Variants in CSMD3 observed in about 807,000 individuals in gnomAD.
The protein encoded by CSMD3 is CUB and sushi domain-containing protein 3.
In CSMD3, 177 loss-of-function variants were observed where a neutral mutation model predicts 435.2. The observed-to-expected ratio is 0.41, with a 90% CI of 0.36 to 0.46. The LOEUF is 0.46. Ranked by LOEUF, CSMD3 falls within the 20% of genes least tolerant of loss-of-function variation. The pLI, the probability that CSMD3 is intolerant of heterozygous loss-of-function variation, is 0.34. For synonymous variants in CSMD3, 1,656 were observed against 1,520.5 expected (o/e 1.09, Z -2.07); for missense variants, 4,265 against 4,504.6 (o/e 0.95, Z 1.52).
At position 112,306,043 on chromosome 8, in the gene CSMD3, T is replaced by C. The variant is rs1821389809; in HGVS notation, c.8035A>G (p.Thr2679Ala). 2 of 1,613,914 alleles carry C rather than the reference T, an allele frequency of 1.2e-6. No homozygotes were observed. The highest frequency in any genetic ancestry group is 1.7e-6 in the Non-Finnish European group (2 of 1,179,856). The part of the protein sequence containing the change: ...LTTAVCQSDG[T>A]WSNHNKTPRC... ...GGGGTCTTGTTATGATTGCTCCATG[T>C]TCCATCTGATTGGCATACAGCTGTA... Residue 2679 changes from threonine (T) to alanine (A), a missense_variant, in exon 51 of 71, where the codon ACA becomes GCA. Around this residue, in one of 3 missense-constraint regions of CSMD3, gnomAD observed 3,255 missense variants for 3,380.2 expected, o/e 0.96. Coordinates refer to ENST00000297405, the MANE Select transcript of CSMD3 (RefSeq NM_198123.2).
chr8:112,283,973 C>T (rs1360160861), intron 58 of CSMD3, among the ~76,000 whole-genome samples: 1 of 151,770 alleles, frequency 6.6e-6, no homozygotes, highest in African/African-American at 2.4e-5. Flanking sequence ...GATCATTACA[C>T]ATTTATGCAT....
At chr8:113,246,330 A>C (rs2093275850) in intron 3 of CSMD3, among the ~76,000 whole-genome samples, 1 of 151,924 alleles carries the variant, frequency 6.6e-6, no homozygotes, top group East Asian at 1.9e-4. Context: ...GATACTTTTT[A>C]CTGCCAACTC....
chr8:112,442,004 C>T (rs1379242441), intron 32 of CSMD3, among the ~76,000 whole-genome samples: 1 of 152,072 alleles, frequency 6.6e-6, no homozygotes, highest in Non-Finnish European at 1.5e-5. Flanking sequence ...TAAAGGAATA[C>T]CTGAGACTGG....
At position 113,072,069 on chromosome 8, in the gene CSMD3, G is replaced by T. The variant is rs533446883; in HGVS notation, c.917+26687C>A. 3.3e-5 allele frequency among the ~76,000 whole-genome samples: 5 copies of T among 151,620 alleles called. No individual in the cohort carries two copies. The South Asian group carries it at 1.0e-3, about 31-fold the overall frequency. Reference sequence around the variant, plus strand: ...AATATTTTATTATTTTATTGCTATTGTAAAGGAGATTTTTAAAAATTTCCT... The same window carrying T: ...AATATTTTATTATTTTATTGCTATTTTAAAGGAGATTTTTAAAAATTTCCT... On this transcript the variant is annotated intron_variant, in intron 5 of 70. Transcript: ENST00000297405.
In CSMD3 at chr8:112,223,912, CT is replaced by C. The variant is rs2129742274; in HGVS notation, c.*858del. ...AGATAACTGCAAAATAATAATTTTT[CT>C]AGATAATTTCTGCCAGCCAAATGGT... On this transcript the variant is annotated 3_prime_UTR_variant, in exon 71 of 71. Coordinates refer to ENST00000297405, the MANE Select transcript of CSMD3 (RefSeq NM_198123.2). The C allele has an allele frequency of 6.6e-6, 1 of 152,118 alleles. No homozygotes were observed. Among genetic ancestry groups the C allele is most frequent in the Non-Finnish European group, 1.5e-5 (1 of 67,968 alleles). 9.4% of individuals were successfully genotyped at this position (152,118 alleles called of 1,614,324 possible). A position where few individuals can be genotyped will look rare whatever the true frequency, so the allele number is the denominator to read the frequency against.
intron 13 of CSMD3, among the ~76,000 whole-genome samples, chr8:112,792,433 G>T (rs769541980): frequency 6.6e-6 from 1 of 151,990 alleles, no homozygotes; most frequent in African/African-American, 2.4e-5. Context: ...TCATATAAGG[G>T]CACTAATCTC....
chr8:112,867,444 T>G (rs759395996), intron 10 of CSMD3, among the ~76,000 whole-genome samples: 3 of 152,128 alleles, frequency 2.0e-5, no homozygotes, highest in Admixed American at 2.0e-4. Context: ...AGGTACATTC[T>G]GAGAAACGTG....
intron 4 of CSMD3, among the ~76,000 whole-genome samples, chr8:113,113,827 G>T (rs180735743): frequency 1.5e-4 from 23 of 152,220 alleles, no homozygotes; most frequent in African/African-American, 5.3e-4. Flanking sequence ...TCTTTGAAAT[G>T]AACACAATTT....
chr8:113,075,654 A>C (rs569183961), intron 5 of CSMD3, among the ~76,000 whole-genome samples: 1 of 151,950 alleles, frequency 6.6e-6, no homozygotes, highest in South Asian at 2.1e-4. Flanking sequence ...AGTCTTATTG[A>C]AGATTAAGGG....
chr8:112,592,500 T>C (rs1430642409), intron 22 of CSMD3, among the ~76,000 whole-genome samples: 2 of 152,072 alleles, frequency 1.3e-5, no homozygotes, highest in Non-Finnish European at 2.9e-5. Context: ...TTTTTCCCCT[T>C]AAACATTTGT....
In CSMD3 at chr8:112,587,061, C is replaced by T. The variant is rs1830790878; in HGVS notation, c.3885+5G>A. 6.2e-7 allele frequency: 1 copy of T among 1,606,356 alleles called. No homozygotes were observed. The highest frequency in any genetic ancestry group is 1.3e-5 in the African/African-American group (1 of 74,592). The stretch of plus-strand genomic sequence containing the variant: ...CAATATACAAGTATGTCTGAGTTCA[C>T]CTACCTTAAGAACATCTCCTTGTGC... On this transcript the variant is annotated splice_donor_5th_base_variant and intron_variant, in intron 23 of 70. Transcript: ENST00000297405.
At chr8:112,516,887 T>G (rs1360119092) in intron 28 of CSMD3, 147 bp downstream of exon 28, 6 of 640,962 alleles carry the variant, frequency 9.4e-6, no homozygotes, top group African/African-American at 9.2e-5. Flanking sequence ...ATTTTACAAT[T>G]TTGTACATTC....
At chr8:112,285,013 AT>A (rs1214615003) in intron 58 of CSMD3, among the ~76,000 whole-genome samples, 3 of 151,374 alleles carry the variant, frequency 2.0e-5, no homozygotes, top group Non-Finnish European at 3.0e-5. Flanking sequence ...GTTTTTTTTT[AT>A]TTCTGCTTTC....
chr8:112,495,668 A>C (rs1821262787), intron 30 of CSMD3, among the ~76,000 whole-genome samples: 1 of 152,178 alleles, frequency 6.6e-6, no homozygotes, highest in South Asian at 2.1e-4. Flanking sequence ...ATGTCTAGGC[A>C]GTAGCTGGAA....
intron 1 of CSMD3, among the ~76,000 whole-genome samples, chr8:113,337,611 A>C (rs2094086507): frequency 6.6e-6 from 1 of 152,084 alleles, no homozygotes; most frequent in South Asian, 2.1e-4. Context: ...GCACAAGAGA[A>C]AATTTAAAAA....
chr8:113,287,535 G>A (rs985213118), intron 2 of CSMD3, among the ~76,000 whole-genome samples: 2 of 151,978 alleles, frequency 1.3e-5, no homozygotes, highest in African/African-American at 4.8e-5. Flanking sequence ...TGTATCATTT[G>A]TTGAGAGCAA....
At chr8:113,321,973 T>A (rs1014875995) in intron 1 of CSMD3, among the ~76,000 whole-genome samples, 1 of 152,178 alleles carries the variant, frequency 6.6e-6, no homozygotes, top group Non-Finnish European at 1.5e-5. Flanking sequence ...TATTATCTCC[T>A]CAGAGAGGCC....
chr8:113,078,052 G>A (rs1328307047), intron 5 of CSMD3, among the ~76,000 whole-genome samples: 1 of 152,088 alleles, frequency 6.6e-6, no homozygotes, highest in African/African-American at 2.4e-5. Context: ...AGTATACCCA[G>A]GGCAAGGGAA....
chr8:112,675,300 A>T (rs1367923356), intron 16 of CSMD3, among the ~76,000 whole-genome samples: 2 of 152,134 alleles, frequency 1.3e-5, no homozygotes, highest in Non-Finnish European at 2.9e-5. Context: ...GCTCTTAGTT[A>T]AATCATCAGC....
Sources: allele counts gnomAD v4.1 joint callset (sites outside exome capture counted in the v4.1 genomes callset), GRCh38; gene constraint gnomAD v4.1.1; regional missense constraint gnomAD v4.1.1; transcripts MANE v1.5; gene names NCBI Gene and HGNC (gene_info 2026-07-23, HGNC 2026-07-21).